Variants in RASL12 observed in about 807,000 individuals in gnomAD.
RASL12 encodes ras-like protein family member 12.
Under a neutral mutation model 22.9 loss-of-function variants are expected in RASL12, and 16 were observed. The observed-to-expected ratio is 0.70, with a 90% confidence interval of 0.47 to 1.06. The LOEUF (loss-of-function observed/expected upper bound fraction) is 1.06, where lower values mean the gene tolerates loss of function less well. Ranked by LOEUF, RASL12 falls within the 50% of genes least tolerant of loss-of-function variation. RASL12 has a pLI of 0.00. For synonymous variants in RASL12, 159 were observed against 152.2 expected (o/e 1.04, Z -0.33); for missense variants, 306 against 353.1 (o/e 0.87, Z 1.07).
At chr15:65,067,237 G>A (rs974261829) in intron 1 of RASL12, among the ~76,000 whole-genome samples, 1 of 152,076 alleles carries the variant, frequency 6.6e-6, no homozygotes, top group Non-Finnish European at 1.5e-5. Context: ...CTTCCCCCAA[G>A]CCTAATCAGG....
At chr15:65,062,666 T>C (rs533237912) in intron 2 of RASL12, among the ~76,000 whole-genome samples, 3 of 152,322 alleles carry the variant, frequency 2.0e-5, no homozygotes, top group African/African-American at 7.2e-5. Context: ...GAAATGGGAA[T>C]GAATCTCCAC....
chr15:65,059,297 A>G (rs1566954313), intron 3 of RASL12, 48 bp downstream of exon 3: 2 of 1,521,060 alleles, frequency 1.3e-6, no homozygotes, highest in East Asian at 2.3e-5. Context: ...ACTTCTCAGG[A>G]GGCTATACTG....
intron 2 of RASL12, among the ~76,000 whole-genome samples, chr15:65,063,783 T>G (rs1336574883): frequency 6.6e-6 from 1 of 152,238 alleles, no homozygotes; most frequent in Non-Finnish European, 1.5e-5. Context: ...CCCTGATGTC[T>G]CTGCCTGCTG....
chr15:65,060,780 TTA>T (rs1423423273), intron 2 of RASL12, among the ~76,000 whole-genome samples: 1 of 152,186 alleles, frequency 6.6e-6, no homozygotes, highest in East Asian at 1.9e-4. Context: ...CTGGCTGAAT[TTA>T]TAGTCAAACA....
rs1482843692 is a variant in RASL12, at chr15:65,058,493, G to A, written c.359C>T (p.Ala120Val). 13 of 1,610,110 alleles carry A rather than the reference G, an allele frequency of 8.1e-6. No individual in the cohort carries two copies. Among genetic ancestry groups the A allele is most frequent in the Admixed American group, 3.3e-5 (2 of 59,778 alleles). ...SSYLELLALH[A>V]KETQRSIPAL... ...AGGGATGCTGCGCTGTGTCTCCTTC[G>A]CGTGCAAGGCAAGCAGCTCCAGGTA... Residue 120 changes from alanine to valine, a missense_variant, in exon 4 of 5, where the codon GCG (alanine) becomes GTG (valine). Ala to Val is a moderately conservative substitution (Grantham distance 64, BLOSUM62 0). Transcript: ENST00000220062.
chr15:65,058,277 AACAC>A, intron 4 of RASL12, 146 bp downstream of exon 4: 1 of 622,710 alleles, frequency 1.6e-6, no homozygotes, highest in Non-Finnish European at 2.4e-6. Flanking sequence ...TCAGAAAACA[AACAC>A]ACACACAAAC....
intron 4 of RASL12, among the ~76,000 whole-genome samples, chr15:65,057,664 G>A (rs1029191345): frequency 6.6e-6 from 1 of 152,196 alleles, no homozygotes; most frequent in Non-Finnish European, 1.5e-5. Flanking sequence ...CTGTGGGAGT[G>A]AGAGTGGGAG....
chr15:65,066,731 T>C (rs900574597), intron 1 of RASL12, among the ~76,000 whole-genome samples: 1 of 152,136 alleles, frequency 6.6e-6, no homozygotes, highest in African/African-American at 2.4e-5. Flanking sequence ...ATCCCTTCTG[T>C]AGGAAAACCA....
chr15:65,059,949 G>A lies in RASL12; in HGVS notation c.161-531C>T, dbSNP rs1421453029. On this transcript the variant is annotated intron_variant, in intron 2 of 4. Coordinates refer to ENST00000220062, the MANE Select transcript of RASL12 (RefSeq NM_016563.4). ...TAATCCTTGTCAACATGACAGCAGG[G>A]GAGTCTAGTGTAGTCAGAAGTTTTC... 2.0e-5 allele frequency among the ~76,000 whole-genome samples: 3 copies of A among 152,234 alleles called. No homozygotes were observed. In the South Asian group the frequency reaches 6.2e-4, roughly 31 times the overall value.
chr15:65,058,046 G>A (rs192419253), intron 4 of RASL12, among the ~76,000 whole-genome samples: 44 of 152,268 alleles, frequency 2.9e-4, no homozygotes, highest in Non-Finnish European at 1.9e-4. Flanking sequence ...TGAGGCAGGC[G>A]GATCATGAGT....
chr15:65,066,376 G>A (rs1326484104), intron 1 of RASL12, among the ~76,000 whole-genome samples: 1 of 152,114 alleles, frequency 6.6e-6, no homozygotes, highest in East Asian at 1.9e-4. Context: ...AAATTAACCA[G>A]GCATGGTGGT....
intron 1 of RASL12, among the ~76,000 whole-genome samples, chr15:65,074,459 G>A (rs1437199054): frequency 6.6e-6 from 1 of 151,874 alleles, no homozygotes; most frequent in Non-Finnish European, 1.5e-5. Flanking sequence ...AATGGCACGA[G>A]CTCGGCTCAC....
At position 65,054,519 on chromosome 15, in the gene RASL12, AG is replaced by A. The variant is rs1224802465; in HGVS notation, c.*379del. ...CTGTTCTCGGGCCTGACATTGACAG[AG>A]CCATCCACCCAGACCATCCACTAAG... is the stretch of plus-strand genomic sequence containing the variant. On this transcript the variant is annotated 3_prime_UTR_variant, in exon 5 of 5. Transcript: ENST00000220062. The A allele has an allele frequency of 2.0e-6, 2 of 1,021,038 alleles. No homozygotes were observed. 63.2% of individuals were successfully genotyped at this position (1,021,038 alleles called of 1,614,324 possible). A position where few individuals can be genotyped will look rare whatever the true frequency, so the allele number is the denominator to read the frequency against.
upstream of RASL12, among the ~76,000 whole-genome samples, chr15:65,070,143 C>T (rs1037673612): frequency 1.3e-5 from 2 of 152,196 alleles, no homozygotes; most frequent in African/African-American, 4.8e-5. Context: ...TGGCATGCAA[C>T]TATAGTCCCA....
At chr15:65,068,035 GGC>G, upstream of RASL12, 3 of 1,119,138 alleles carry the variant, frequency 2.7e-6, no homozygotes, top group South Asian at 1.3e-4. The surrounding 1 kb of genome is among the most constrained non-coding windows in gnomAD (Gnocchi z 4.2). Context: ...TGGCGGGCGG[GGC>G]CACCCCAAGC....
downstream of RASL12, chr15:65,049,965 G>A (rs2086627375): frequency 3.3e-6 from 5 of 1,514,494 alleles, no homozygotes; most frequent in Non-Finnish European, 4.5e-6. Context: ...GGGCTAAGGG[G>A]TCTAAGGACC....
At chr15:65,051,110 C>G (rs999067887), downstream of RASL12, among the ~76,000 whole-genome samples, 11 of 152,134 alleles carry the variant, frequency 7.2e-5, no homozygotes, top group Non-Finnish European at 1.0e-4. Context: ...TCCCAAAGTG[C>G]TGGGATTATA....
intron 2 of RASL12, among the ~76,000 whole-genome samples, chr15:65,060,217 G>C (rs1387134752): frequency 6.6e-6 from 1 of 152,208 alleles, no homozygotes; most frequent in Non-Finnish European, 1.5e-5. Context: ...CAGGCATGGG[G>C]CCTGGCTCAC....
chr15:65,059,654 C>T (rs770329627), intron 2 of RASL12, among the ~76,000 whole-genome samples: 2 of 152,106 alleles, frequency 1.3e-5, no homozygotes, highest in Non-Finnish European at 2.9e-5. Context: ...GACCACACCT[C>T]GGGGGTGGGT....
Sources: gnomAD v4.1 joint callset for allele counts (sites outside exome capture counted in the v4.1 genomes callset) on GRCh38, gnomAD v4.1.1 for gene constraint, Gnocchi (gnomAD v3.1) non-coding constraint, MANE v1.5 for transcripts, NCBI Gene and HGNC (gene_info 2026-07-23, HGNC 2026-07-21) for gene names.